The following CACNA2D3 variants were observed in gnomAD, a reference collection of about 807,000 sequenced individuals.
CACNA2D3 encodes voltage-dependent calcium channel subunit alpha-2/delta-3.
In CACNA2D3, 60 loss-of-function variants were observed where a neutral mutation model predicts 160.6. The ratio of observed to expected loss-of-function variants is 0.37; its 90% CI spans 0.30 to 0.46. CACNA2D3 has a LOEUF of 0.46. Among genes scored for constraint, CACNA2D3 ranks in the 20% least tolerant of loss-of-function variants. The pLI is 1.00. For synonymous variants in CACNA2D3, 558 were observed against 492.9 expected (o/e 1.13, Z -1.75); for missense variants, 1,205 against 1,365.0 (o/e 0.88, Z 1.85).
chr3:54,849,823 G>T (rs181939632), intron 17 of CACNA2D3, among the ~76,000 whole-genome samples: 2 of 152,318 alleles, frequency 1.3e-5, no homozygotes, highest in East Asian at 3.9e-4. Flanking sequence ...CTCTCCATCT[G>T]CCATGGACTT....
At chr3:54,792,789 A>G (rs946399841) in intron 13 of CACNA2D3, among the ~76,000 whole-genome samples, 2 of 152,048 alleles carry the variant, frequency 1.3e-5, no homozygotes, top group Non-Finnish European at 2.9e-5. Flanking sequence ...CAAGATGGAG[A>G]GTTCTGATTG....
intron 11 of CACNA2D3, among the ~76,000 whole-genome samples, chr3:54,665,619 C>A (rs1449047852): frequency 6.6e-6 from 1 of 152,026 alleles, no homozygotes; most frequent in African/African-American, 2.4e-5. Flanking sequence ...CTCCTGAATG[C>A]ATTAGACGGC....
At chr3:54,526,055 T>C (rs1232950979) in intron 5 of CACNA2D3, among the ~76,000 whole-genome samples, 2 of 152,056 alleles carry the variant, frequency 1.3e-5, no homozygotes, top group East Asian at 3.8e-4. Flanking sequence ...TCTATTAATC[T>C]ATCTTCAAGT....
intron 14 of CACNA2D3, among the ~76,000 whole-genome samples, chr3:54,828,519 G>C (rs764634002): frequency 7.2e-5 from 11 of 152,106 alleles, no homozygotes; most frequent in Non-Finnish European, 1.3e-4. Flanking sequence ...CTTTCTTAAT[G>C]ACATATCCTA....
At chr3:54,855,795 G>A (rs1364227022) in intron 17 of CACNA2D3, among the ~76,000 whole-genome samples, 1 of 152,124 alleles carries the variant, frequency 6.6e-6, no homozygotes, top group Non-Finnish European at 1.5e-5. Context: ...ATCTGTTGCT[G>A]GCAACCAGAG....
intron 3 of CACNA2D3, among the ~76,000 whole-genome samples, chr3:54,321,936 A>AC (rs1037547882): frequency 1.3e-5 from 2 of 152,038 alleles, no homozygotes; most frequent in African/African-American, 2.4e-5. Context: ...AAAAAAAAAA[A>AC]AAAAAACTAG....
At chr3:54,891,929 C>G (rs1375779382) in intron 25 of CACNA2D3, among the ~76,000 whole-genome samples, 1 of 152,208 alleles carries the variant, frequency 6.6e-6, no homozygotes, top group African/African-American at 2.4e-5. Flanking sequence ...CTGCAGAGCT[C>G]CACACCCAGG....
chr3:54,713,630 A>G (rs1700995603), intron 11 of CACNA2D3, among the ~76,000 whole-genome samples: 1 of 152,182 alleles, frequency 6.6e-6, no homozygotes, highest in African/African-American at 2.4e-5. Context: ...GCAGGATGAG[A>G]TGAGGTCTGG....
chr3:54,229,338 C>G (rs1701729402), intron 2 of CACNA2D3, among the ~76,000 whole-genome samples: 1 of 152,066 alleles, frequency 6.6e-6, no homozygotes, highest in South Asian at 2.1e-4. Flanking sequence ...ACTACAGGTG[C>G]CTGCCACCAT....
At chr3:54,921,479 T>C (rs1029109986) in intron 27 of CACNA2D3, among the ~76,000 whole-genome samples, 4 of 152,190 alleles carry the variant, frequency 2.6e-5, no homozygotes, top group African/African-American at 9.6e-5. Flanking sequence ...GTGTGCATAT[T>C]TCTTTGGAGG....
At chr3:54,849,098 T>A (rs1181376433) in intron 17 of CACNA2D3, among the ~76,000 whole-genome samples, 3 of 152,172 alleles carry the variant, frequency 2.0e-5, no homozygotes, top group African/African-American at 4.8e-5. Context: ...TGGGAAGGGA[T>A]CGTGTACATA....
intron 12 of CACNA2D3, among the ~76,000 whole-genome samples, chr3:54,760,753 G>T (rs1702067000): frequency 6.6e-6 from 1 of 152,020 alleles, no homozygotes; most frequent in African/African-American, 2.4e-5. Context: ...GTGGGGTGAG[G>T]AAAGGAGGGA....
chr3:54,588,663 T>A (rs1702806701), intron 9 of CACNA2D3, among the ~76,000 whole-genome samples: 1 of 152,064 alleles, frequency 6.6e-6, no homozygotes, highest in South Asian at 2.1e-4. Context: ...ATAAAAACAA[T>A]GAACCTATGG....
intron 26 of CACNA2D3, 164 bp downstream of exon 26, chr3:54,897,034 A>AAG (rs1700206623): frequency 5.6e-6 from 4 of 715,412 alleles, no homozygotes; most frequent in Non-Finnish European, 9.3e-6. Context: ...CCAGTTCCAT[A>AAG]AGAGTAATAG....
chr3:54,492,288 A>T (rs142142156), intron 4 of CACNA2D3, among the ~76,000 whole-genome samples: 2 of 152,014 alleles, frequency 1.3e-5, no homozygotes, highest in Non-Finnish European at 2.9e-5. Context: ...CAAAGCCAGG[A>T]CCCTTGTTCT....
chr3:54,793,966 G>C (rs1702813536), intron 13 of CACNA2D3, among the ~76,000 whole-genome samples: 1 of 152,024 alleles, frequency 6.6e-6, no homozygotes, highest in African/African-American at 2.4e-5. Context: ...TGTGTTACAA[G>C]GAGTTTGTTC....
intron 9 of CACNA2D3, among the ~76,000 whole-genome samples, chr3:54,592,732 G>A (rs1702883907): frequency 6.6e-6 from 1 of 152,142 alleles, no homozygotes; most frequent in South Asian, 2.1e-4. Context: ...GCAAATATTT[G>A]TTGCAAAATC....
intron 11 of CACNA2D3, among the ~76,000 whole-genome samples, chr3:54,733,629 G>A (rs1298458962): frequency 6.6e-6 from 1 of 152,136 alleles, no homozygotes; most frequent in Non-Finnish European, 1.5e-5. Context: ...AACAGTTGTA[G>A]CTAATTAGAG....
intron 30 of CACNA2D3, among the ~76,000 whole-genome samples, chr3:54,986,073 G>A (rs1324931781): frequency 6.6e-6 from 1 of 152,154 alleles, no homozygotes; most frequent in Non-Finnish European, 1.5e-5. Flanking sequence ...AATCTATGGA[G>A]CAAGAATACA....
Sources: gnomAD v4.1 joint callset for allele counts (sites outside exome capture counted in the v4.1 genomes callset) on GRCh38, gnomAD v4.1.1 for gene constraint, MANE v1.5 for transcripts, NCBI Gene and HGNC (gene_info 2026-07-23, HGNC 2026-07-21) for gene names.